The following MAGI1 variants were observed in gnomAD, a reference collection of about 807,000 sequenced individuals.
MAGI1 encodes membrane associated guanylate kinase, WW and PDZ domain containing 1, also known as membrane-associated guanylate kinase, WW and PDZ domain-containing protein 1.
MAGI1 carries 58 observed loss-of-function variants against 139.9 expected under a neutral mutation model. The observed-to-expected ratio is 0.41, with a 90% confidence interval of 0.34 to 0.52. The LOEUF (loss-of-function observed/expected upper bound fraction) is 0.52. MAGI1 is among the 20% of genes least tolerant of loss of function. MAGI1 has a pLI of 0.12. For synonymous variants in MAGI1, 812 were observed against 737.9 expected, an observed-to-expected ratio of 1.10 and a Z score of -1.63; for missense variants, 1,874 against 1,901.6, an observed-to-expected ratio of 0.99 and a Z score of 0.27.
intron 1 of MAGI1, among the ~76,000 whole-genome samples, chr3:65,908,652 T>G (rs1000021455): frequency 6.6e-6 from 1 of 152,174 alleles, no homozygotes; most frequent in Non-Finnish European, 1.5e-5. Context: ...TTTCTCTCCA[T>G]GAAATAAGTG....
chr3:65,404,130 G>T (rs917398687), intron 12 of MAGI1, among the ~76,000 whole-genome samples: 2 of 152,178 alleles, frequency 1.3e-5, no homozygotes, highest in East Asian at 1.9e-4. Flanking sequence ...GCAAGGAGGG[G>T]CAAGGATCAG....
At chr3:65,819,326 G>A (rs939350644) in intron 1 of MAGI1, among the ~76,000 whole-genome samples, 1 of 151,926 alleles carries the variant, frequency 6.6e-6, no homozygotes, top group African/African-American at 2.4e-5. Context: ...AATAAACAAG[G>A]CATATGATCT....
chr3:65,419,576 T>C (rs571898401), intron 12 of MAGI1, among the ~76,000 whole-genome samples: 1 of 152,260 alleles, frequency 6.6e-6, no homozygotes, highest in South Asian at 2.1e-4. Flanking sequence ...ACTGCCTACA[T>C]TTCTGTTTCA....
At chr3:65,951,039 A>AAGGGAG (rs2063835091) in intron 1 of MAGI1, among the ~76,000 whole-genome samples, 1 of 83,680 alleles carries the variant, frequency 1.2e-5, no homozygotes, top group African/African-American at 4.0e-5. Context: ...AAGGAAGGAA[A>AAGGGAG]GGAGGGAGGG....
chr3:65,530,740 T>C lies in MAGI1; in HGVS notation c.431-37109A>G, dbSNP rs555884219. On this transcript the variant is annotated intron_variant, in intron 2 of 22. Transcript: ENST00000402939. The stretch of plus-strand genomic sequence containing the variant: ...ATATATATACACACGTATATATATA[T>C]GCACATATATATACACGTATATATA... Among the ~76,000 whole-genome samples the C allele has an allele frequency of 1.8e-4, 18 of 97,496 alleles. 1 individual carries two copies. Among genetic ancestry groups the C allele is most frequent in the East Asian group, 1.5e-3 (4 of 2,728 alleles). The allele number at this position is 97,496 out of a possible 152,430, so 64.0% of individuals were successfully genotyped here.
At chr3:65,828,187 A>T (rs2042331721) in intron 1 of MAGI1, among the ~76,000 whole-genome samples, 1 of 152,172 alleles carries the variant, frequency 6.6e-6, no homozygotes, top group East Asian at 1.9e-4. Context: ...GTTCTTATCT[A>T]GTTCTACTTT....
intron 1 of MAGI1, among the ~76,000 whole-genome samples, chr3:66,014,953 C>T (rs761663992): frequency 1.1e-4 from 16 of 152,144 alleles, no homozygotes; most frequent in Non-Finnish European, 2.2e-4. Flanking sequence ...CCAGTTCTAA[C>T]CCTAACTGAC....
chr3:65,759,777 C>T lies in MAGI1; in HGVS notation c.314-137689G>A, dbSNP rs190488144. On this transcript the variant is annotated intron_variant, in intron 1 of 22. Coordinates refer to ENST00000402939, the MANE Select transcript of MAGI1 (RefSeq NM_001033057.2). ...GAATGTGAGATGTGTTCCAGTAAAA[C>T]TGATAGAGTCTATACCTCCTTATTT... Among the ~76,000 whole-genome samples the T allele has an allele frequency of 1.8e-3, 281 of 152,248 alleles. 1 individual carries two copies. Among genetic ancestry groups the T allele is most frequent in the Admixed American group, 0.013 (201 of 15,286 alleles).
chr3:65,432,172 C>T (rs1283359738), intron 10 of MAGI1, among the ~76,000 whole-genome samples: 1 of 152,248 alleles, frequency 6.6e-6, no homozygotes, highest in Admixed American at 6.5e-5. Flanking sequence ...GAGAAACTTA[C>T]TGGAACTTCT....
chr3:65,962,552 T>C (rs1315072148), intron 1 of MAGI1, among the ~76,000 whole-genome samples: 2 of 151,948 alleles, frequency 1.3e-5, no homozygotes, highest in African/African-American at 4.8e-5. Context: ...GTCATGACAC[T>C]GGCCAGGCGA....
At chr3:65,401,630 T>C (rs1575618613) in intron 12 of MAGI1, 160 bp from the exon 13 acceptor site, 2 of 1,549,880 alleles carry the variant, frequency 1.3e-6, no homozygotes, top group Non-Finnish European at 1.7e-6. Flanking sequence ...AGGCTGTTCA[T>C]ATCGAATCAA....
intron 1 of MAGI1, among the ~76,000 whole-genome samples, chr3:65,628,477 A>G (rs934179982): frequency 6.6e-6 from 1 of 152,148 alleles, no homozygotes; most frequent in African/African-American, 2.4e-5. Flanking sequence ...CATTCCCCAA[A>G]GAACCCATAT....
intron 2 of MAGI1, among the ~76,000 whole-genome samples, chr3:65,595,745 A>G (rs1054051702): frequency 1.3e-5 from 2 of 148,442 alleles, no homozygotes; most frequent in South Asian, 2.1e-4. Flanking sequence ...AACTTGAAAT[A>G]TACAGCCTAA....
intron 1 of MAGI1, among the ~76,000 whole-genome samples, chr3:65,853,736 C>G (rs1453143294): frequency 2.6e-5 from 4 of 152,158 alleles, no homozygotes; most frequent in Non-Finnish European, 5.9e-5. Flanking sequence ...AAATGCTTCT[C>G]TCTGTTTGAT....
chr3:65,926,674 C>T (rs767655051), intron 1 of MAGI1, among the ~76,000 whole-genome samples: 1 of 152,102 alleles, frequency 6.6e-6, no homozygotes, highest in Admixed American at 6.6e-5. Context: ...TTTACAAATG[C>T]CATGGCAACA....
chr3:66,007,133 A>G (rs9860098), intron 1 of MAGI1, among the ~76,000 whole-genome samples: 66,332 of 151,810 alleles, frequency 0.44, 16,260 homozygotes, highest in East Asian at 0.73. Flanking sequence ...GAGCCACCAC[A>G]CCTGGCCTGA....
chr3:65,628,513 CT>C (rs2084106887), intron 1 of MAGI1, among the ~76,000 whole-genome samples: 1 of 152,040 alleles, frequency 6.6e-6, no homozygotes, highest in African/African-American at 2.4e-5. Context: ...GGAGAAGCTC[CT>C]TAGACACCCA....
intron 2 of MAGI1, among the ~76,000 whole-genome samples, chr3:65,611,590 G>A (rs2083121721): frequency 7.4e-6 from 1 of 134,814 alleles, no homozygotes. Context: ...TACTATACTA[G>A]TATATACAGT....
chr3:65,824,303 C>A (rs189306396), intron 1 of MAGI1, among the ~76,000 whole-genome samples: 24 of 152,276 alleles, frequency 1.6e-4, no homozygotes, highest in Admixed American at 1.6e-3. Context: ...TGCAGATGTG[C>A]AAATAGTAGG....
Sources: gnomAD v4.1 joint callset for allele counts (sites outside exome capture counted in the v4.1 genomes callset) on GRCh38, gnomAD v4.1.1 for gene constraint, MANE v1.5 for transcripts, NCBI Gene and HGNC (gene_info 2026-07-23, HGNC 2026-07-21) for gene names.